ATF2: variants seen among roughly 807,000 people sequenced by gnomAD.
ATF2 encodes the protein activating transcription factor 2.
A neutral mutation model predicts 60.6 loss-of-function variants in ATF2; 24 were observed. The observed-to-expected ratio is 0.40, with a 90% CI of 0.29 to 0.56. The LOEUF is 0.56. Ranked by LOEUF, ATF2 falls within the 20% of genes least tolerant of loss-of-function variation. The pLI, the probability that ATF2 is intolerant of heterozygous loss-of-function variation, is 0.54. For missense variants in ATF2, 433 were observed against 607.7 expected, an observed-to-expected ratio of 0.71 and a Z score of 3.02; for synonymous variants, 206 against 215.4, an observed-to-expected ratio of 0.96 and a Z score of 0.38.
At chr2:175,091,601 C>T (rs1213709059) in intron 12 of ATF2, among the ~76,000 whole-genome samples, 10 of 152,128 alleles carry the variant, frequency 6.6e-5, no homozygotes, top group Admixed American at 5.9e-4. Context: ...CAGTGGCTCA[C>T]GCCTGTAATC....
chr2:175,155,340 T>C (rs754534778), intron 1 of ATF2, among the ~76,000 whole-genome samples: 22 of 152,274 alleles, frequency 1.4e-4, no homozygotes, highest in Non-Finnish European at 2.6e-4. Flanking sequence ...CCTTAAAACC[T>C]CCATTAATCA....
At chr2:175,088,024 A>T (rs1694286472) in intron 12 of ATF2, among the ~76,000 whole-genome samples, 1 of 152,202 alleles carries the variant, frequency 6.6e-6, no homozygotes. Flanking sequence ...ATAATGACAG[A>T]ATGAAAAATA....
intron 10 of ATF2, among the ~76,000 whole-genome samples, chr2:175,108,279 A>G (rs1432816758): frequency 1.3e-5 from 2 of 151,488 alleles, no homozygotes; most frequent in African/African-American, 4.9e-5. Context: ...CTGGGAAGCC[A>G]GGAGCGTCTC....
At chr2:175,136,536 C>A in intron 2 of ATF2, 50 bp from the exon 3 acceptor site, 1 of 1,185,420 alleles carries the variant, frequency 8.4e-7, no homozygotes, top group African/African-American at 1.5e-5. Flanking sequence ...TGAAACACTT[C>A]TTGAAACAGT....
chr2:175,077,956 T>C (rs1479786488), intron 13 of ATF2, among the ~76,000 whole-genome samples: 1 of 152,130 alleles, frequency 6.6e-6, no homozygotes, highest in Non-Finnish European at 1.5e-5. Flanking sequence ...GAAAGTTCTC[T>C]ACCTATGTCC....
intron 2 of ATF2, among the ~76,000 whole-genome samples, chr2:175,140,036 A>T (rs1006742106): frequency 6.6e-6 from 1 of 152,254 alleles, no homozygotes; most frequent in Non-Finnish European, 1.5e-5. Flanking sequence ...TGAGAAAAAA[A>T]TAACAAAATA....
intron 7 of ATF2, among the ~76,000 whole-genome samples, chr2:175,115,319 A>G (rs1383052676): frequency 6.6e-6 from 1 of 152,224 alleles, no homozygotes; most frequent in Non-Finnish European, 1.5e-5. Flanking sequence ...TAACAGAAAT[A>G]AGAACTTTTA....
intron 2 of ATF2, among the ~76,000 whole-genome samples, chr2:175,141,996 T>C (rs1276610068): frequency 6.6e-6 from 1 of 151,516 alleles, no homozygotes; most frequent in African/African-American, 2.4e-5. Flanking sequence ...AACAGAAAAA[T>C]AGGGAAGAGC....
chr2:175,117,929 T>G (rs759614310), intron 7 of ATF2, 61 bp downstream of exon 7: 25 of 1,485,198 alleles, frequency 1.7e-5, no homozygotes, highest in Non-Finnish European at 2.3e-5. Flanking sequence ...GGAGATTAAA[T>G]AGTAAACTTT....
chr2:175,108,392 A>G (rs1695883172), intron 10 of ATF2, among the ~76,000 whole-genome samples: 1 of 146,724 alleles, frequency 6.8e-6, no homozygotes, highest in Non-Finnish European at 1.5e-5. Flanking sequence ...CCACCCGGCC[A>G]GCCGCCCCGT....
intron 7 of ATF2, among the ~76,000 whole-genome samples, chr2:175,116,908 A>G (rs1338052138): frequency 1.3e-5 from 2 of 152,036 alleles, no homozygotes; most frequent in African/African-American, 2.4e-5. Context: ...ATACATATAC[A>G]TATCATATAA....
At chr2:175,080,161 A>G (rs1237418102) in intron 13 of ATF2, 1 of 152,194 alleles carries the variant, frequency 6.6e-6, no homozygotes, top group East Asian at 1.9e-4. Context: ...AGATATCTCA[A>G]TATAAAGGTT....
intron 1 of ATF2, among the ~76,000 whole-genome samples, chr2:175,153,246 G>A (rs376454669): frequency 6.6e-6 from 1 of 152,132 alleles, no homozygotes; most frequent in African/African-American, 2.4e-5. Flanking sequence ...CAGATGTAAG[G>A]AGCCTCTGCT....
rs556860419 is a variant in ATF2, at chr2:175,093,391, T to C, written c.979-124A>G. ...CTAAGTCTTGTTGAATACATCAGTATGTTGGGGCAATATGAAAATCACCCT... is the reference window on the plus strand; with the variant it reads ...CTAAGTCTTGTTGAATACATCAGTACGTTGGGGCAATATGAAAATCACCCT... On this transcript the variant is annotated intron_variant, in intron 11 of 13. Coordinates refer to ENST00000264110, the MANE Select transcript of ATF2 (RefSeq NM_001880.4). 1.3e-5 allele frequency: 12 copies of C among 904,520 alleles called. No individual in the cohort carries two copies. In the East Asian group the frequency reaches 3.2e-4, roughly 24 times the overall value. 56.0% of individuals were successfully genotyped at this position (904,520 alleles called of 1,614,324 possible).
At chr2:175,113,517 G>A (rs7596098) in intron 9 of ATF2, among the ~76,000 whole-genome samples, 6,011 of 151,688 alleles carry the variant, frequency 0.04, 384 homozygotes, top group African/African-American at 0.14. Flanking sequence ...TTTTTTGCGG[G>A]GTCTTTTCAC....
chr2:175,133,735 T>C (rs2105758341), intron 3 of ATF2, among the ~76,000 whole-genome samples: 1 of 152,216 alleles, frequency 6.6e-6, no homozygotes, highest in South Asian at 2.1e-4. Context: ...AGGCAAAGCA[T>C]AAGTTTCTAG....
intron 4 of ATF2, among the ~76,000 whole-genome samples, chr2:175,128,327 C>T (rs1368029638): frequency 6.6e-6 from 1 of 152,002 alleles, no homozygotes; most frequent in Non-Finnish European, 1.5e-5. Flanking sequence ...ATGAAGAAAC[C>T]CCATCTCTAC....
At position 175,097,325 on chromosome 2, in the gene ATF2, G is replaced by C. The variant is rs1316249344; in HGVS notation, c.978+119C>G. On this transcript the variant is annotated intron_variant, in intron 11 of 13. Coordinates refer to ENST00000264110, the MANE Select transcript of ATF2 (RefSeq NM_001880.4). ...TGAGCTACCTTTTCCTGAGGCTTTT[G>C]ATACATCTTTGGAATAACAACATGA... 5.1e-6 allele frequency: 7 copies of C among 1,380,298 alleles called. No homozygotes were observed. The Middle Eastern group carries it at 5.7e-4, about 112-fold the overall frequency. 85.5% of individuals were successfully genotyped at this position (1,380,298 alleles called of 1,614,324 possible).
intron 1 of ATF2, among the ~76,000 whole-genome samples, chr2:175,164,966 C>T (rs1037338073): frequency 6.6e-6 from 1 of 152,194 alleles, no homozygotes; most frequent in Non-Finnish European, 1.5e-5. Context: ...TAGCGATTCT[C>T]CTGCCTCAGC....
Sources: allele counts gnomAD v4.1 joint callset (sites outside exome capture counted in the v4.1 genomes callset), GRCh38; gene constraint gnomAD v4.1.1; transcripts MANE v1.5; gene names NCBI Gene and HGNC (gene_info 2026-07-23, HGNC 2026-07-21).